The following GRM8 variants were observed in gnomAD, a reference collection of about 807,000 sequenced individuals.
The protein encoded by GRM8 is metabotropic glutamate receptor 8.
Under a neutral mutation model 87.2 loss-of-function variants are expected in GRM8, and 47 were observed. That is an observed-to-expected ratio of 0.54 (90% CI 0.43 to 0.69). The LOEUF (loss-of-function observed/expected upper bound fraction) is 0.69. Ranked by LOEUF, GRM8 falls within the 30% of genes least tolerant of loss-of-function variation. The probability of loss-of-function intolerance (pLI) is 0.00; values close to 1 mark genes in which losing one functional copy is unlikely to be tolerated. For synonymous variants in GRM8, 396 were observed against 404.5 expected, an observed-to-expected ratio of 0.98 and a Z score of 0.25; for missense variants, 1,019 against 1,139.2, an observed-to-expected ratio of 0.89 and a Z score of 1.52.
rs192689427 is a variant in GRM8, at chr7:126,856,172, T to C, written c.1156+46370A>G. On this transcript the variant is annotated intron_variant, in intron 6 of 10. Transcript: ENST00000339582. Reference sequence around the variant, plus strand: ...TAATTAATAAAAGAACAGGCTTATATGCAAAATGTTACAACTACAGACCTT... The same window carrying C: ...TAATTAATAAAAGAACAGGCTTATACGCAAAATGTTACAACTACAGACCTT... 3.3e-5 allele frequency among the ~76,000 whole-genome samples: 5 copies of C among 152,264 alleles called. No homozygotes were observed. The East Asian group carries it at 7.7e-4, about 24-fold the overall frequency.
chr7:126,702,495 G>A (rs777187456), intron 7 of GRM8, among the ~76,000 whole-genome samples: 9 of 152,172 alleles, frequency 5.9e-5, no homozygotes, highest in East Asian at 1.9e-4. Context: ...GTAGAAGGAC[G>A]ACGCAGTGGC....
rs546333630 is a variant in GRM8 at position 126,513,596 on chromosome 7, G to T, written c.2430+19356C>A. On this transcript the variant is annotated intron_variant, in intron 9 of 10. Transcript: ENST00000339582. ...CAATGTCAGCTTATTTTCCACTTCC[G>T]GTTGCTCTACTGTCTGTTATCATCA... 1.7e-3 allele frequency among the ~76,000 whole-genome samples: 259 copies of T among 152,144 alleles called. 2 individuals are homozygous for T. The highest frequency in any genetic ancestry group is 6.1e-3 in the African/African-American group (253 of 41,526).
intron 2 of GRM8, among the ~76,000 whole-genome samples, chr7:127,174,921 T>C (rs569915389): frequency 3.3e-5 from 5 of 152,200 alleles, no homozygotes; most frequent in African/African-American, 1.2e-4. Context: ...TAGTCACTTA[T>C]GGGAACAGCT....
At chr7:126,601,186 G>T (rs941495301) in intron 8 of GRM8, among the ~76,000 whole-genome samples, 9 of 150,446 alleles carry the variant, frequency 6.0e-5, no homozygotes, top group Non-Finnish European at 8.8e-5. Flanking sequence ...GCGGTGTTTG[G>T]TTTTTTGTAC....
chr7:126,575,736 C>T (rs1323759965), intron 8 of GRM8, among the ~76,000 whole-genome samples: 7 of 152,140 alleles, frequency 4.6e-5, no homozygotes, highest in Admixed American at 4.6e-4. Context: ...GCCTGTGATA[C>T]TCTCGCATTT....
intron 6 of GRM8, among the ~76,000 whole-genome samples, chr7:126,831,445 G>C (rs2130421940): frequency 6.6e-6 from 1 of 152,318 alleles, no homozygotes; most frequent in Middle Eastern, 3.4e-3. Flanking sequence ...CTTGCAGTTT[G>C]ACCTCAGATT....
chr7:127,132,980 T>A (rs918736615), intron 2 of GRM8, among the ~76,000 whole-genome samples: 2 of 152,162 alleles, frequency 1.3e-5, no homozygotes, highest in African/African-American at 4.8e-5. Flanking sequence ...AAAAAGCAGA[T>A]AACAAGCTGG....
intron 9 of GRM8, among the ~76,000 whole-genome samples, chr7:126,466,620 G>C (rs1244054682): frequency 6.6e-6 from 1 of 151,916 alleles, no homozygotes. Context: ...GAGTACCAGG[G>C]GAGCCAATGA....
chr7:127,019,943 T>G (rs1816093697), intron 3 of GRM8, among the ~76,000 whole-genome samples: 1 of 152,032 alleles, frequency 6.6e-6, no homozygotes, highest in Non-Finnish European at 1.5e-5. Context: ...CTTTTGCCCT[T>G]TCTCTACACT....
chr7:126,956,726 T>C (rs896373626), intron 3 of GRM8, among the ~76,000 whole-genome samples: 1 of 152,150 alleles, frequency 6.6e-6, no homozygotes, highest in Non-Finnish European at 1.5e-5. Flanking sequence ...GACAGGAACA[T>C]GAACAGGGAA....
intron 6 of GRM8, among the ~76,000 whole-genome samples, chr7:126,836,711 G>A: frequency 6.6e-6 from 1 of 152,100 alleles, no homozygotes; most frequent in Non-Finnish European, 1.5e-5. Flanking sequence ...TCTGAATCAG[G>A]TGCTCTATTT....
intron 3 of GRM8, among the ~76,000 whole-genome samples, chr7:126,919,116 A>G (rs141846243): frequency 2.6e-4 from 39 of 152,248 alleles, no homozygotes; most frequent in South Asian, 1.7e-3. Context: ...AAACAGAGTA[A>G]CAGAAGCACT....
At chr7:126,573,447 T>C (rs912855293) in intron 8 of GRM8, among the ~76,000 whole-genome samples, 2 of 152,104 alleles carry the variant, frequency 1.3e-5, no homozygotes, top group Non-Finnish European at 2.9e-5. Context: ...GGATTAAGTA[T>C]ACTTTTCTGG....
In GRM8 at chr7:126,439,345, G is replaced by A. The variant is rs143544239; in HGVS notation, c.2678-177C>T. On this transcript the variant is annotated intron_variant, in intron 10 of 10. Transcript: ENST00000339582. ...GCACAGCACAACGACATTTGAGCTC[G>A]ACAGCAGACTGCATTATATAAAGGT... 1.1e-4 allele frequency among the ~76,000 whole-genome samples: 17 copies of A among 152,130 alleles called. No homozygotes were observed. The South Asian group carries it at 1.9e-3, about 17-fold the overall frequency.
chr7:126,554,646 C>A lies in GRM8; in HGVS notation c.1495-20759G>T, dbSNP rs1370839728. ...AGGAAGAAAAGAACAAAAGGCAAAGCACATGGTATATAACAAAAACTAGAA... is the reference window on the plus strand; with the variant it reads ...AGGAAGAAAAGAACAAAAGGCAAAGAACATGGTATATAACAAAAACTAGAA... On this transcript the variant is annotated intron_variant, in intron 8 of 10. Coordinates refer to ENST00000339582, the MANE Select transcript of GRM8 (RefSeq NM_000845.3). Among the ~76,000 whole-genome samples, 3 of 151,876 alleles carry A rather than the reference C, an allele frequency of 2.0e-5. No individual in the cohort carries two copies. The East Asian group carries it at 5.8e-4, about 29-fold the overall frequency.
At chr7:126,564,940 T>C (rs374100727) in intron 8 of GRM8, among the ~76,000 whole-genome samples, 6 of 152,084 alleles carry the variant, frequency 3.9e-5, no homozygotes, top group East Asian at 1.9e-4. Context: ...CAATTAATCA[T>C]TAATAAAGGA....
intron 7 of GRM8, among the ~76,000 whole-genome samples, chr7:126,697,286 A>G (rs1311493752): frequency 2.0e-5 from 3 of 152,120 alleles, no homozygotes; most frequent in Non-Finnish European, 4.4e-5. Flanking sequence ...GCAGTTACAT[A>G]AACAACTGAA....
chr7:126,759,953 G>A (rs1431187828), intron 7 of GRM8, among the ~76,000 whole-genome samples: 4 of 152,106 alleles, frequency 2.6e-5, no homozygotes, highest in Non-Finnish European at 5.9e-5. Flanking sequence ...ATGTTGTAAA[G>A]CTAGATTCAA....
At chr7:127,235,980 C>T (rs1160203677) in intron 2 of GRM8, among the ~76,000 whole-genome samples, 1 of 105,388 alleles carries the variant, frequency 9.5e-6, no homozygotes, top group Non-Finnish European at 2.1e-5. Flanking sequence ...CTATGTATTG[C>T]TTAAACCTTC....
Sources: allele counts gnomAD v4.1 joint callset (sites outside exome capture counted in the v4.1 genomes callset), GRCh38; gene constraint gnomAD v4.1.1; transcripts MANE v1.5; gene names NCBI Gene and HGNC (gene_info 2026-07-23, HGNC 2026-07-21).